DISC1: variants seen among roughly 807,000 people sequenced by gnomAD.
DISC1 encodes DISC1 scaffold protein.
A neutral mutation model predicts 84.5 loss-of-function variants in DISC1; 57 were observed. The observed-to-expected ratio is 0.67, with a 90% CI of 0.55 to 0.84. The LOEUF (loss-of-function observed/expected upper bound fraction) is 0.84, where lower values mean the gene tolerates loss of function less well. Among genes scored for constraint, DISC1 ranks in the 40% least tolerant of loss-of-function variants. The pLI is 0.00. For missense variants in DISC1, 1,000 were observed against 1,057.8 expected, an observed-to-expected ratio of 0.95 and a Z score of 0.76; for synonymous variants, 411 against 415.2, an observed-to-expected ratio of 0.99 and a Z score of 0.12.
chr1:231,782,156 C>T lies in DISC1; in HGVS notation c.1634+11086C>T, dbSNP rs188885309. Among the ~76,000 whole-genome samples the T allele has an allele frequency of 2.5e-3, 379 of 152,250 alleles. 1 individual carries two copies. The highest frequency in any genetic ancestry group is 6.8e-3 in the Middle Eastern group (2 of 294). On this transcript the variant is annotated intron_variant, in intron 6 of 12. Transcript: ENST00000439617. ...TCATTGTCATTACTATTTTGTACTTCCTCTTTGGCAAATTTCCTCAGCTTC... is the reference window on the plus strand; with the variant it reads ...TCATTGTCATTACTATTTTGTACTTTCTCTTTGGCAAATTTCCTCAGCTTC...
chr1:232,011,816 C>T (rs908778535), intron 11 of DISC1, among the ~76,000 whole-genome samples: 4 of 151,928 alleles, frequency 2.6e-5, no homozygotes, highest in African/African-American at 4.8e-5. Context: ...ATTTAAAAAC[C>T]GGGCTATAGA....
At chr1:231,653,149 T>C (rs370389523) in intron 1 of DISC1, among the ~76,000 whole-genome samples, 20 of 152,354 alleles carry the variant, frequency 1.3e-4, no homozygotes, top group African/African-American at 4.8e-4. Context: ...GGAATGTTCA[T>C]AGTTGTTGAC....
intron 3 of DISC1, among the ~76,000 whole-genome samples, chr1:231,735,301 A>G (rs1215902157): frequency 1.3e-5 from 2 of 152,212 alleles, no homozygotes; most frequent in Non-Finnish European, 2.9e-5. Flanking sequence ...CCATTCTATG[A>G]GTGGATATAC....
intron 10 of DISC1, among the ~76,000 whole-genome samples, chr1:231,974,797 G>A (rs941150515): frequency 1.3e-5 from 2 of 152,034 alleles, no homozygotes; most frequent in Non-Finnish European, 2.9e-5. Context: ...AAATCCTATG[G>A]AGGAATTTAA....
chr1:231,918,317 G>T lies in DISC1; in HGVS notation c.1982-40511G>T, dbSNP rs116629656. 2.3e-3 allele frequency among the ~76,000 whole-genome samples: 352 copies of T among 152,336 alleles called. 5 individuals carry two copies. The highest frequency in any genetic ancestry group is 8.2e-3 in the African/African-American group (342 of 41,580). Reference sequence around the variant, plus strand: ...AGAGATGAGAGAACCAAGATGATTTGGAATTTCATGTGAGATTACAGAGGA... The same window carrying T: ...AGAGATGAGAGAACCAAGATGATTTTGAATTTCATGTGAGATTACAGAGGA... On this transcript the variant is annotated intron_variant, in intron 9 of 12. Coordinates refer to ENST00000439617, the MANE Select transcript of DISC1 (RefSeq NM_018662.3).
chr1:232,003,762 A>G (rs1291383449), intron 10 of DISC1, among the ~76,000 whole-genome samples: 1 of 152,020 alleles, frequency 6.6e-6, no homozygotes, highest in Non-Finnish European at 1.5e-5. Flanking sequence ...TATTAATCTA[A>G]CAAAAAGGGA....
In DISC1 at chr1:231,641,559, C is replaced by A. The variant is rs752589353; in HGVS notation, c.67+14625C>A. On this transcript the variant is annotated intron_variant, in intron 1 of 12. Coordinates refer to ENST00000439617, the MANE Select transcript of DISC1 (RefSeq NM_018662.3). ...TGCAAACAGCGAAAGAACAAAGCTT[C>A]CACAATGTGCAAAGGGACCGGAGAG... Among the ~76,000 whole-genome samples, 23 of 152,314 alleles carry A rather than the reference C, an allele frequency of 1.5e-4. No homozygotes were observed. The South Asian group carries it at 2.3e-3, about 15-fold the overall frequency.
intron 1 of DISC1, among the ~76,000 whole-genome samples, chr1:231,640,925 A>G (rs1002522529): frequency 1.3e-5 from 2 of 152,142 alleles, no homozygotes; most frequent in African/African-American, 4.8e-5. Context: ...GACTCTCCCA[A>G]TGCTGCCTTT....
chr1:231,851,291 C>T (rs1371917467), intron 9 of DISC1, among the ~76,000 whole-genome samples: 2 of 152,178 alleles, frequency 1.3e-5, no homozygotes, highest in Admixed American at 6.5e-5. Context: ...AGATTCACGG[C>T]ACTGTTCTGA....
rs137905895 is a variant in DISC1, at chr1:231,957,127, G to A, written c.1982-1701G>A. Among the ~76,000 whole-genome samples the A allele has an allele frequency of 4.7e-4, 71 of 152,278 alleles. No homozygotes were observed. The East Asian group carries it at 9.7e-3, about 21-fold the overall frequency. ...TTTTGAGACTATAGTCTACCACAGTGGCCCGCTTGATTGGACCTGGGTTGT... is the reference window on the plus strand; with the variant it reads ...TTTTGAGACTATAGTCTACCACAGTAGCCCGCTTGATTGGACCTGGGTTGT... On this transcript the variant is annotated intron_variant, in intron 9 of 12. Coordinates refer to ENST00000439617, the MANE Select transcript of DISC1 (RefSeq NM_018662.3).
In DISC1 at chr1:231,827,720, G is replaced by A. The variant is rs1191871625; in HGVS notation, c.1981+9203G>A. Among the ~76,000 whole-genome samples, 3 of 152,154 alleles carry A rather than the reference G, an allele frequency of 2.0e-5. No individual in the cohort carries two copies. The East Asian group carries it at 5.8e-4, about 29-fold the overall frequency. ...TTTGCTGCCCTGGGCCCTTAGTCCT[G>A]TTATGTTTTGGACTTGGGGATGGCC... On this transcript the variant is annotated intron_variant, in intron 9 of 12. Transcript: ENST00000439617.
intron 1 of DISC1, among the ~76,000 whole-genome samples, chr1:231,648,893 T>A (rs1383017258): frequency 3.3e-5 from 5 of 152,224 alleles, no homozygotes; most frequent in Admixed American, 2.0e-4. Flanking sequence ...TTCTGTGGGA[T>A]CAGTGGTGAT....
At chr1:231,814,282 G>T (rs984408536) in intron 8 of DISC1, among the ~76,000 whole-genome samples, 1 of 152,104 alleles carries the variant, frequency 6.6e-6, no homozygotes, top group Non-Finnish European at 1.5e-5. Flanking sequence ...CCAGATTTCC[G>T]CTTTCCCAGC....
At chr1:231,720,773 C>G in intron 3 of DISC1, 2 of 1,117,732 alleles carry the variant, frequency 1.8e-6, no homozygotes, top group Non-Finnish European at 2.4e-6. Flanking sequence ...TAAGTTTGTT[C>G]CTTCTCCCAG....
At chr1:231,968,611 CA>C (rs1661447595) in intron 10 of DISC1, among the ~76,000 whole-genome samples, 1 of 139,186 alleles carries the variant, frequency 7.2e-6, no homozygotes, top group African/African-American at 2.7e-5. Flanking sequence ...AAAAAAAAAG[CA>C]AAAACAAAAA....
intron 9 of DISC1, among the ~76,000 whole-genome samples, chr1:231,863,565 T>C (rs2084837158): frequency 6.6e-6 from 1 of 152,236 alleles, no homozygotes; most frequent in African/African-American, 2.4e-5. Flanking sequence ...TAGCTTTATG[T>C]TGAATTCAGG....
chr1:231,688,626 C>A (rs927944183), intron 1 of DISC1, among the ~76,000 whole-genome samples: 2 of 148,120 alleles, frequency 1.4e-5, no homozygotes, highest in African/African-American at 5.1e-5. Flanking sequence ...CCAGGTTCCT[C>A]CATTAGTTTA....
At position 231,972,715 on chromosome 1, in the gene DISC1, C is replaced by G. The variant is rs147129585; in HGVS notation, c.2042+13827C>G. Among the ~76,000 whole-genome samples the G allele has an allele frequency of 1.3e-3, 200 of 152,282 alleles. 1 individual carries two copies. The highest frequency in any genetic ancestry group is 4.4e-3 in the African/African-American group (183 of 41,556). Reference sequence around the variant, plus strand: ...TGTTAATCACAGCCACTAGACCTCACGACATAGGATTTTAGAGGCAGATAA... The same window carrying G: ...TGTTAATCACAGCCACTAGACCTCAGGACATAGGATTTTAGAGGCAGATAA... On this transcript the variant is annotated intron_variant, in intron 10 of 12. Transcript: ENST00000439617.
intron 2 of DISC1, among the ~76,000 whole-genome samples, chr1:231,697,857 A>G (rs759386488): frequency 6.6e-6 from 1 of 152,142 alleles, no homozygotes; most frequent in Non-Finnish European, 1.5e-5. Context: ...CTTCTCTCTC[A>G]TACTACAAAC....
Sources: allele counts gnomAD v4.1 joint callset (sites outside exome capture counted in the v4.1 genomes callset), GRCh38; gene constraint gnomAD v4.1.1; transcripts MANE v1.5; gene names NCBI Gene and HGNC (gene_info 2026-07-23, HGNC 2026-07-21).